Variants in ARHGAP44 observed in about 807,000 individuals in gnomAD.
ARHGAP44 encodes the protein Rho GTPase activating protein 44.
Under a neutral mutation model 106.8 loss-of-function variants are expected in ARHGAP44, and 43 were observed. The observed-to-expected ratio is 0.40, with a 90% CI of 0.32 to 0.52. The LOEUF (loss-of-function observed/expected upper bound fraction) is 0.52, where lower values mean the gene tolerates loss of function less well. Ranked by LOEUF, ARHGAP44 falls within the 20% of genes least tolerant of loss-of-function variation. ARHGAP44 has a pLI of 0.48. For missense variants in ARHGAP44, 866 were observed against 1,050.5 expected (o/e 0.82, Z 2.43); for synonymous variants, 439 against 410.3 (o/e 1.07, Z -0.85).
At chr17:12,819,250 A>C (rs1457016657) in intron 1 of ARHGAP44, among the ~76,000 whole-genome samples, 1 of 152,068 alleles carries the variant, frequency 6.6e-6, no homozygotes, top group Admixed American at 6.6e-5. Flanking sequence ...TTTGAGATTC[A>C]TACGTGTTGC....
chr17:12,969,057 C>G (rs1371722095), intron 16 of ARHGAP44, among the ~76,000 whole-genome samples: 1 of 152,194 alleles, frequency 6.6e-6, no homozygotes, highest in Non-Finnish European at 1.5e-5. Context: ...GTGTGAGCCA[C>G]TGCACCTGGC....
At chr17:12,805,521 A>T (rs1305940648) in intron 1 of ARHGAP44, among the ~76,000 whole-genome samples, 1 of 152,126 alleles carries the variant, frequency 6.6e-6, no homozygotes, top group African/African-American at 2.4e-5. Flanking sequence ...ACTAACAAGA[A>T]TCTGACTTTG....
intron 7 of ARHGAP44, among the ~76,000 whole-genome samples, chr17:12,934,126 C>A (rs1401048045): frequency 6.6e-6 from 1 of 152,200 alleles, no homozygotes; most frequent in Non-Finnish European, 1.5e-5. Flanking sequence ...GGATTACAGG[C>A]GTGAGCCACC....
chr17:12,831,960 A>G (rs1312347530), intron 1 of ARHGAP44, among the ~76,000 whole-genome samples: 1 of 152,144 alleles, frequency 6.6e-6, no homozygotes, highest in African/African-American at 2.4e-5. Context: ...GGATGATGCC[A>G]TTTGTGTTGA....
intron 18 of ARHGAP44, among the ~76,000 whole-genome samples, chr17:12,976,644 G>C (rs924742565): frequency 6.7e-6 from 1 of 149,480 alleles, no homozygotes; most frequent in African/African-American, 2.5e-5. Context: ...TATTTTCACT[G>C]TAAAACCAGG....
In ARHGAP44 at chr17:12,955,585, G is replaced by A. The variant is rs184859570; in HGVS notation, c.1137-282G>A. Among the ~76,000 whole-genome samples, 956 of 152,256 alleles carry A rather than the reference G, an allele frequency of 6.3e-3. 5 individuals are homozygous for A. Among genetic ancestry groups the A allele is most frequent in the Non-Finnish European group, 9.2e-3 (629 of 68,020 alleles). ...GTTTGTAAAAAGTGAGGCACTTCAG[G>A]TCATTATATACTGAGTCAGAAGGAA... On this transcript the variant is annotated intron_variant, in intron 13 of 20. Coordinates refer to ENST00000379672, the MANE Select transcript of ARHGAP44 (RefSeq NM_014859.6).
At chr17:12,981,826 C>G (rs1179992929) in intron 19 of ARHGAP44, among the ~76,000 whole-genome samples, 4 of 150,274 alleles carry the variant, frequency 2.7e-5, no homozygotes, top group Non-Finnish European at 5.9e-5. Context: ...GACTGGACAA[C>G]GTGGTGAAAC....
rs76518906 is a variant in ARHGAP44, at chr17:12,810,084, A to G, written c.53+20193A>G. 4.9e-3 allele frequency among the ~76,000 whole-genome samples: 732 copies of G among 149,678 alleles called. 30 individuals are homozygous for G. In the East Asian group the frequency reaches 0.089, roughly 18 times the overall value. On this transcript the variant is annotated intron_variant, in intron 1 of 20. Coordinates refer to ENST00000379672, the MANE Select transcript of ARHGAP44 (RefSeq NM_014859.6). Reference sequence around the variant, plus strand: ...AGGGCTGAGGAATGGCCTGTGGGGCATTAGAAAGTACTAGATGTTGTGGAA... The same window carrying G: ...AGGGCTGAGGAATGGCCTGTGGGGCGTTAGAAAGTACTAGATGTTGTGGAA...
rs182888683 is a variant in ARHGAP44 at position 12,932,288 on chromosome 17, G to A, written c.582+3242G>A. ...GAATATAAATGTTGATGAGTATCAT[G>A]TATTTATTGGACATTCTTCATGTAT... is the stretch of plus-strand genomic sequence containing the variant. On this transcript the variant is annotated intron_variant, in intron 7 of 20. Transcript: ENST00000379672. Among the ~76,000 whole-genome samples the A allele has an allele frequency of 2.5e-3, 382 of 152,220 alleles. 1 individual carries two copies. The highest frequency in any genetic ancestry group is 4.6e-3 in the Non-Finnish European group (312 of 68,006).
At chr17:12,948,703 C>G (rs543931313) in intron 10 of ARHGAP44, among the ~76,000 whole-genome samples, 2 of 146,330 alleles carry the variant, frequency 1.4e-5, no homozygotes, top group South Asian at 4.4e-4. Flanking sequence ...AAGTATAGCC[C>G]TGGTTCCTCC....
chr17:12,978,286 C>T (rs1001129732), intron 18 of ARHGAP44, among the ~76,000 whole-genome samples: 1 of 152,188 alleles, frequency 6.6e-6, no homozygotes. Flanking sequence ...TGGTAACCTG[C>T]AGCCTGAGGT....
chr17:12,902,168 T>G (rs148829026), intron 3 of ARHGAP44, among the ~76,000 whole-genome samples: 1 of 152,174 alleles, frequency 6.6e-6, no homozygotes, highest in Non-Finnish European at 1.5e-5. Flanking sequence ...TGATGTGTCT[T>G]CTACCTGCAT....
chr17:12,928,564 C>T (rs929114720), intron 6 of ARHGAP44, among the ~76,000 whole-genome samples: 1 of 152,046 alleles, frequency 6.6e-6, no homozygotes, highest in African/African-American at 2.4e-5. Context: ...ACATTGTACC[C>T]ATAAATGTAT....
At chr17:12,814,674 C>G (rs969733856) in intron 1 of ARHGAP44, among the ~76,000 whole-genome samples, 21 of 151,990 alleles carry the variant, frequency 1.4e-4, no homozygotes, top group African/African-American at 5.1e-4. Flanking sequence ...TATATGCAAG[C>G]ATACCTATAT....
Position 12,789,907 on chromosome 17 carries a change from G to A in ARHGAP44, c.53+16G>A, listed in dbSNP as rs1243527050. The A allele has an allele frequency of 3.3e-6, 5 of 1,512,032 alleles. No individual in the cohort carries two copies. The highest frequency in any genetic ancestry group is 2.6e-6 in the Non-Finnish European group (3 of 1,132,142). The allele number at this position is 1,512,032 out of a possible 1,614,324, so 93.7% of individuals were successfully genotyped here. ...CGGTGGGCAGGTAGGTCACCCGCGG[G>A]CACCGCTGTCGGTGCGCGCCCGCGA... is the stretch of plus-strand genomic sequence containing the variant. On this transcript the variant is annotated intron_variant, in intron 1 of 20. Transcript: ENST00000379672.
intron 3 of ARHGAP44, 70 bp downstream of exon 3, chr17:12,896,581 A>C (rs903421270): frequency 3.0e-6 from 4 of 1,325,520 alleles, no homozygotes; most frequent in Non-Finnish European, 2.1e-6. Context: ...CTCCTGTGAC[A>C]CTCCTGGATG....
At chr17:12,970,527 C>T (rs1013430277) in intron 16 of ARHGAP44, among the ~76,000 whole-genome samples, 6 of 152,186 alleles carry the variant, frequency 3.9e-5, no homozygotes, top group South Asian at 4.1e-4. Flanking sequence ...TTGCTGGCCT[C>T]TGACTTCTTG....
chr17:12,841,594 T>TCTCTCTCTCTCTCTCACA (rs1417307080), intron 1 of ARHGAP44, among the ~76,000 whole-genome samples: 13 of 126,578 alleles, frequency 1.0e-4, no homozygotes, highest in South Asian at 8.1e-4. Context: ...TGTCTCTCTC[T>TCTCTCTCTCTCTCTCACA]CACACACACA....
chr17:12,911,810 T>C (rs1388922972), intron 4 of ARHGAP44, among the ~76,000 whole-genome samples: 1 of 152,146 alleles, frequency 6.6e-6, no homozygotes, highest in East Asian at 1.9e-4. Context: ...TGGATGCTAA[T>C]ACTCCACAGC....
Sources: allele counts gnomAD v4.1 joint callset (sites outside exome capture counted in the v4.1 genomes callset), GRCh38; gene constraint gnomAD v4.1.1; transcripts MANE v1.5; gene names NCBI Gene and HGNC (gene_info 2026-07-23, HGNC 2026-07-21).